EVI5: variants seen among roughly 807,000 people sequenced by gnomAD.
EVI5 encodes ecotropic viral integration site 5 protein homolog.
A neutral mutation model predicts 112.0 loss-of-function variants in EVI5; 73 were observed. The observed-to-expected ratio is 0.65, with a 90% CI of 0.54 to 0.79. The LOEUF (loss-of-function observed/expected upper bound fraction) is 0.79. Among genes scored for constraint, EVI5 ranks in the 30% least tolerant of loss-of-function variants. The pLI, the probability that EVI5 is intolerant of heterozygous loss-of-function variation, is 0.00. For missense variants in EVI5, 900 were observed against 968.8 expected, an observed-to-expected ratio of 0.93 and a Z score of 0.94; for synonymous variants, 305 against 319.9, an observed-to-expected ratio of 0.95 and a Z score of 0.50.
At chr1:92,750,716 GA>G (rs71586761) in intron 1 of EVI5, among the ~76,000 whole-genome samples, 15 of 147,582 alleles carry the variant, frequency 1.0e-4, no homozygotes, top group African/African-American at 3.0e-4. Context: ...GTTATGACCA[GA>G]AAAAAAAAAG....
At chr1:92,603,091 A>C (rs182455786) in intron 18 of EVI5, among the ~76,000 whole-genome samples, 147 of 152,346 alleles carry the variant, frequency 9.6e-4, no homozygotes, top group African/African-American at 3.3e-3. Context: ...AAGCACATGA[A>C]AGTATGCCCA....
intron 1 of EVI5, among the ~76,000 whole-genome samples, chr1:92,743,163 G>T (rs1678690043): frequency 6.6e-6 from 1 of 152,154 alleles, no homozygotes; most frequent in African/African-American, 2.4e-5. Flanking sequence ...GACCAGTTTG[G>T]CCAACATGGC....
In EVI5 at chr1:92,694,368, A is replaced by G; in HGVS notation, c.930T>C (p.Arg310=). 6.3e-7 allele frequency: 1 copy of G among 1,598,780 alleles called. No homozygotes were observed. The highest frequency in any genetic ancestry group is 8.6e-7 in the Non-Finnish European group (1 of 1,168,918). The change falls in exon 8 of 20, where the codon CGT becomes CGC. Residue 310 remains arginine, a synonymous_variant. Coordinates refer to ENST00000684568, the MANE Select transcript of EVI5 (RefSeq NM_001350197.2). ...TCATCTGAAGAAGTGCTAATCCTAC[A>G]CGAAACACTATTTCTAAACCCTGAG... ...FMSEGLEIVF[R]VGLALLQMNQ... is the part of the protein sequence containing the mutation.
Position 92,544,406 on chromosome 1 carries a change from T to C in EVI5, c.2166+19236A>G, listed in dbSNP as rs114777378. On this transcript the variant is annotated intron_variant, in intron 19 of 19. Coordinates refer to ENST00000684568, the MANE Select transcript of EVI5 (RefSeq NM_001350197.2). ...ATTTTGTATGTTTCTAAGGAAAGGA[T>C]ACCAGATTGAAAATAAGTAATTTTC... 4.4e-3 allele frequency among the ~76,000 whole-genome samples: 669 copies of C among 152,320 alleles called. 2 individuals are homozygous for C. The highest frequency in any genetic ancestry group is 0.016 in the African/African-American group (647 of 41,576).
chr1:92,680,796 C>T (rs1310184913), intron 9 of EVI5, among the ~76,000 whole-genome samples: 5 of 152,090 alleles, frequency 3.3e-5, no homozygotes, highest in Non-Finnish European at 7.4e-5. Flanking sequence ...GCCAAAAATG[C>T]ACAACCTGAA....
intron 18 of EVI5, among the ~76,000 whole-genome samples, chr1:92,586,375 ATTAAT>A: frequency 6.6e-6 from 1 of 152,168 alleles, no homozygotes; most frequent in Non-Finnish European, 1.5e-5. Flanking sequence ...ACTCACATTT[ATTAAT>A]TTAATCATCA....
rs918273211 is a variant in EVI5, at chr1:92,582,794, T to C, written c.2071-19057A>G. Among the ~76,000 whole-genome samples the C allele has an allele frequency of 2.3e-5, 3 of 129,628 alleles. No homozygotes were observed. The South Asian group carries it at 8.8e-4, about 38-fold the overall frequency. 85.0% of individuals were successfully genotyped at this position (129,628 alleles called of 152,430 possible). ...CTAGCAACAGTTACTTTAAATGTCA[T>C]TTAAATATACATAAAATATTATAAT... is the stretch of plus-strand genomic sequence containing the variant. On this transcript the variant is annotated intron_variant, in intron 18 of 19. Transcript: ENST00000684568.
intron 14 of EVI5, among the ~76,000 whole-genome samples, chr1:92,632,622 C>A (rs1343440240): frequency 6.6e-6 from 1 of 152,076 alleles, no homozygotes; most frequent in Non-Finnish European, 1.5e-5. Flanking sequence ...TTCAAAAAAC[C>A]AGCTCCTGGA....
intron 13 of EVI5, among the ~76,000 whole-genome samples, chr1:92,648,738 T>A (rs778563252): frequency 6.6e-6 from 1 of 152,226 alleles, no homozygotes; most frequent in Non-Finnish European, 1.5e-5. Flanking sequence ...TGAATAATAT[T>A]CCATTGTGTG....
chr1:92,681,822 A>C (rs977956214), intron 9 of EVI5, among the ~76,000 whole-genome samples: 2 of 152,204 alleles, frequency 1.3e-5, no homozygotes, highest in Non-Finnish European at 2.9e-5. Context: ...TGATGAAATA[A>C]ATTTTAATCA....
intron 1 of EVI5, among the ~76,000 whole-genome samples, chr1:92,744,629 C>G (rs1226478634): frequency 1.3e-5 from 2 of 151,130 alleles, no homozygotes; most frequent in Non-Finnish European, 2.9e-5. Context: ...CACACACACA[C>G]ACACACACAC....
chr1:92,788,807 A>G (rs533319015), upstream of EVI5, among the ~76,000 whole-genome samples: 7 of 152,260 alleles, frequency 4.6e-5, no homozygotes, highest in South Asian at 1.5e-3. Flanking sequence ...AGCAACAACA[A>G]CAACAAAAAA....
chr1:92,713,126 T>A (rs1673091410), intron 2 of EVI5, among the ~76,000 whole-genome samples: 1 of 151,944 alleles, frequency 6.6e-6, no homozygotes, highest in South Asian at 2.1e-4. Flanking sequence ...CAAATACAGT[T>A]GAAATGTCAC....
intron 2 of EVI5, among the ~76,000 whole-genome samples, chr1:92,727,782 G>A (rs1675800089): frequency 6.6e-6 from 1 of 152,072 alleles, no homozygotes; most frequent in African/African-American, 2.4e-5. Flanking sequence ...TTAGGAGGCT[G>A]AGGTGAGAGG....
intron 16 of EVI5, among the ~76,000 whole-genome samples, chr1:92,623,100 T>C (rs990045623): frequency 3.3e-5 from 5 of 152,156 alleles, no homozygotes; most frequent in Non-Finnish European, 5.9e-5. Flanking sequence ...TTAGTATCTA[T>C]ACTAAAATAA....
chr1:92,663,495 TA>T, intron 11 of EVI5, 43 bp from the exon 12 acceptor site: 1 of 989,986 alleles, frequency 1.0e-6, no homozygotes. Context: ...GAGAAAGAAA[TA>T]AAAGTGATAA....
intron 2 of EVI5, among the ~76,000 whole-genome samples, chr1:92,712,767 T>C (rs988051600): frequency 6.6e-6 from 1 of 152,136 alleles, no homozygotes; most frequent in Admixed American, 6.5e-5. Flanking sequence ...GGATGTTTTA[T>C]GGAGAGTATC....
intron 19 of EVI5, among the ~76,000 whole-genome samples, chr1:92,554,220 G>A (rs769695279): frequency 2.6e-5 from 4 of 152,326 alleles, no homozygotes; most frequent in South Asian, 2.1e-4. Flanking sequence ...CTAACTAGAT[G>A]TTAGGTTCTC....
At position 92,579,615 on chromosome 1, in the gene EVI5, A is replaced by C. The variant is rs186142478; in HGVS notation, c.2071-15878T>G. ...ATAGCCATTTTTCCCCTCTGTATAC[A>C]TTTCTCCATTACTATTTATTACTTT... On this transcript the variant is annotated intron_variant, in intron 18 of 19. Coordinates refer to ENST00000684568, the MANE Select transcript of EVI5 (RefSeq NM_001350197.2). Among the ~76,000 whole-genome samples, 169 of 152,286 alleles carry C rather than the reference A, an allele frequency of 1.1e-3. 1 individual carries two copies. Among genetic ancestry groups the C allele is most frequent in the African/African-American group, 3.8e-3 (156 of 41,564 alleles).
Sources: gnomAD v4.1 joint callset for allele counts (sites outside exome capture counted in the v4.1 genomes callset) on GRCh38, gnomAD v4.1.1 for gene constraint, MANE v1.5 for transcripts, NCBI Gene and HGNC (gene_info 2026-07-23, HGNC 2026-07-21) for gene names.